The following UGT1A7 variants were observed in gnomAD, a reference collection of about 807,000 sequenced individuals.
The protein encoded by UGT1A7 is UDP-glucuronosyltransferase 1A7.
UGT1A7 carries 33 observed loss-of-function variants against 45.6 expected under a neutral mutation model. The ratio of observed to expected loss-of-function variants is 0.72; its 90% confidence interval spans 0.55 to 0.97. The LOEUF (loss-of-function observed/expected upper bound fraction) is 0.97, where lower values mean the gene tolerates loss of function less well. Ranked by LOEUF, UGT1A7 falls within the 50% of genes least tolerant of loss-of-function variation. UGT1A7 has a pLI of 0.00. For missense variants in UGT1A7, 684 were observed against 666.2 expected (o/e 1.03, Z -0.29); for synonymous variants, 274 against 250.6 (o/e 1.09, Z -0.88).
At chr2:233,713,794 C>A in intron 1 of UGT1A7, 1 of 1,614,030 alleles carries the variant, frequency 6.2e-7, no homozygotes, top group South Asian at 1.1e-5. Flanking sequence ...TACCCCAGGC[C>A]GATCATGCCC....
At chr2:233,693,013 C>A (rs1474583069) in intron 1 of UGT1A7, 1 of 1,614,116 alleles carries the variant, frequency 6.2e-7, no homozygotes, top group Non-Finnish European at 8.5e-7. Context: ...GGATGGCCTG[C>A]CTCCTTCGCT....
chr2:233,754,674 C>G (rs1158611461), intron 1 of UGT1A7: 5 of 470,208 alleles, frequency 1.1e-5, no homozygotes. Context: ...GATTTTTTTA[C>G]CATCAACTAT....
At chr2:233,705,781 CA>C (rs1559354356) in intron 1 of UGT1A7, among the ~76,000 whole-genome samples, 1 of 152,140 alleles carries the variant, frequency 6.6e-6, no homozygotes, top group Non-Finnish European at 1.5e-5. Context: ...TGTCTTAGTG[CA>C]AAATGCCCCT....
In UGT1A7 at chr2:233,722,858, T is replaced by G. The variant is rs1254106570; in HGVS notation, c.855+40066T>G. On this transcript the variant is annotated intron_variant, in intron 1 of 4. Coordinates refer to ENST00000373426, the MANE Select transcript of UGT1A7 (RefSeq NM_019077.3). ...ATAAGAATGTTTCTTTTTTTTTTTT[T>G]TGAAGGAAAAAATAAATTTATTGCT... 1.4e-5 allele frequency among the ~76,000 whole-genome samples: 2 copies of G among 144,154 alleles called. 1 individual carries two copies. The highest frequency in any genetic ancestry group is 1.4e-4 in the Admixed American group (2 of 14,354). 94.6% of individuals were successfully genotyped at this position (144,154 alleles called of 152,430 possible).
chr2:233,740,013 C>A (rs28899769), intron 1 of UGT1A7, among the ~76,000 whole-genome samples: 1 of 151,838 alleles, frequency 6.6e-6, no homozygotes, highest in African/African-American at 2.4e-5. Context: ...AGTGAGTTCT[C>A]ATGAGAGCTG....
intron 1 of UGT1A7, chr2:233,690,741 C>G: frequency 8.3e-7 from 1 of 1,202,758 alleles, no homozygotes; most frequent in South Asian, 1.5e-5. Context: ...ATTCCTCTGG[C>G]TAGTGTCCAG....
Position 233,768,439 on chromosome 2 carries a change from G to T in UGT1A7, c.1295G>T (p.Ser432Ile), listed in dbSNP as rs1306719122. 6.2e-7 allele frequency: 1 copy of T among 1,613,244 alleles called. No homozygotes were observed. Among genetic ancestry groups the T allele is most frequent in the South Asian group, 1.1e-5 (1 of 90,868 alleles). ...CTAAAAGCAGTCATCAATGACAAAAGGTAAGAAAGAAGATACAGAAGAATA... is the reference window on the plus strand; with the variant it reads ...CTAAAAGCAGTCATCAATGACAAAATGTAAGAAAGAAGATACAGAAGAATA... ...NALKAVINDK[S>I]YKENIMRLSS... Residue 432 changes from serine to isoleucine, a missense_variant and splice_region_variant, in exon 4 of 5, where the codon AGT becomes ATT. Transcript: ENST00000373426.
intron 3 of UGT1A7, 36 bp from the exon 4 acceptor site, chr2:233,768,184 T>A: frequency 6.2e-7 from 1 of 1,614,044 alleles, no homozygotes; most frequent in Non-Finnish European, 8.5e-7. Flanking sequence ...AACTCAGAGA[T>A]GTAACTGCTG....
chr2:233,719,495 T>A, intron 1 of UGT1A7: 2 of 1,613,994 alleles, frequency 1.2e-6, no homozygotes, highest in Non-Finnish European at 1.7e-6. Context: ...ACATTTGCCA[T>A]ACTTTTTCTG....
At chr2:233,733,027 T>A (rs2078348048) in intron 1 of UGT1A7, among the ~76,000 whole-genome samples, 1 of 152,200 alleles carries the variant, frequency 6.6e-6, no homozygotes, top group Non-Finnish European at 1.5e-5. Context: ...GTCCTTCACA[T>A]CCCTTTTAAG....
intron 1 of UGT1A7, among the ~76,000 whole-genome samples, chr2:233,765,881 T>G (rs1234531270): frequency 6.6e-6 from 1 of 152,054 alleles, no homozygotes; most frequent in Non-Finnish European, 1.5e-5. Flanking sequence ...GGGCTCACTT[T>G]CTCAGTGCGC....
intron 1 of UGT1A7, among the ~76,000 whole-genome samples, chr2:233,702,032 C>A (rs2075666717): frequency 6.6e-6 from 1 of 151,958 alleles, no homozygotes; most frequent in Non-Finnish European, 1.5e-5. Context: ...CAAAAAAAAA[C>A]CCTTCAAAAA....
In UGT1A7 at chr2:233,744,657, C is replaced by T. The variant is rs1019492138; in HGVS notation, c.856-22377C>T. Among the ~76,000 whole-genome samples the T allele has an allele frequency of 2.6e-3, 395 of 152,040 alleles. 3 individuals carry two copies. The highest frequency in any genetic ancestry group is 6.8e-3 in the Middle Eastern group (2 of 294). The stretch of plus-strand genomic sequence containing the variant: ...CATGTCAGCTTCTGTATTCAATCTA[C>T]TGTGATATTACACATCACCCATGTA... On this transcript the variant is annotated intron_variant, in intron 1 of 4. Coordinates refer to ENST00000373426, the MANE Select transcript of UGT1A7 (RefSeq NM_019077.3).
At chr2:233,691,577 A>G in intron 1 of UGT1A7, 1 of 985,616 alleles carries the variant, frequency 1.0e-6, no homozygotes, top group Non-Finnish European at 1.2e-6. Context: ...TCTCACTGGG[A>G]CAGCCTAGTT....
chr2:233,681,945 G>A lies in UGT1A7; in HGVS notation c.8G>A (p.Arg3His), dbSNP rs752380757. ...CTGGGCTGAAGTTCTCTGATGGCTC[G>A]TGCAGGGTGGACTGGCCTCCTTCCC... The part of the protein sequence containing the change: MA[R>H]AGWTGLLPLY... The change falls in exon 1 of 5, where the codon CGT becomes CAT. Residue 3 changes from arginine (R) to histidine (H), a missense_variant. Physicochemically the swap from Arg to His is conservative, Grantham distance 29. Transcript: ENST00000373426. The A allele has an allele frequency of 3.7e-6, 6 of 1,613,218 alleles. No homozygotes were observed. The highest frequency in any genetic ancestry group is 1.7e-5 in the Admixed American group (1 of 59,988).
chr2:233,759,599 A>ACCCCCCCCCCCC (rs1553620419), intron 1 of UGT1A7, among the ~76,000 whole-genome samples: 28 of 108,656 alleles, frequency 2.6e-4, no homozygotes, highest in African/African-American at 6.5e-4. Context: ...CCCACCCCCG[A>ACCCCCCCCCCCC]CCCGCCCCAC....
chr2:233,767,889 C>T lies in UGT1A7; in HGVS notation c.1028C>T (p.Ala343Val), dbSNP rs201372184. The change falls in exon 3 of 5, where the codon GCG becomes GTG. Residue 343 changes from alanine (A) to valine (V), a missense_variant. Ala to Val is a moderately conservative substitution (Grantham distance 64). Transcript: ENST00000373426. The part of the protein sequence containing the change: ...RYTGTRPSNL[A>V]NNTILVKWLP... Reference sequence around the variant, plus strand: ...ACTGGAACCCGACCATCGAATCTTGCGAACAACACGATACTTGTTAAGTGG... The same window carrying T: ...ACTGGAACCCGACCATCGAATCTTGTGAACAACACGATACTTGTTAAGTGG... 8.3e-5 allele frequency: 134 copies of T among 1,614,018 alleles called. No homozygotes were observed. Among genetic ancestry groups the T allele is most frequent in the Middle Eastern group, 1.6e-4 (1 of 6,084 alleles).
chr2:233,713,156 C>CCA, intron 1 of UGT1A7: 1 of 1,614,194 alleles, frequency 6.2e-7, no homozygotes, highest in Non-Finnish European at 8.5e-7. Flanking sequence ...ATGCGAGAGG[C>CCA]CACCAGGTGG....
At chr2:233,754,435 GTTT>G (rs1438333697) in intron 1 of UGT1A7, 18 of 350,500 alleles carry the variant, frequency 5.1e-5, no homozygotes, top group Non-Finnish European at 5.6e-6. Context: ...GGCATAAAGT[GTTT>G]ATAAATTCTT....
Sources: gnomAD v4.1 joint callset for allele counts (sites outside exome capture counted in the v4.1 genomes callset) on GRCh38, gnomAD v4.1.1 for gene constraint, MANE v1.5 for transcripts, NCBI Gene and HGNC (gene_info 2026-07-23, HGNC 2026-07-21) for gene names.